WNK1: variants seen among roughly 807,000 people sequenced by gnomAD.
WNK1 encodes the protein WNK lysine deficient protein kinase 1.
A neutral mutation model predicts 222.8 loss-of-function variants in WNK1; 38 were observed. The observed-to-expected ratio is 0.17, with a 90% CI of 0.13 to 0.22. WNK1 has a LOEUF of 0.22. WNK1 is among the 10% of genes least tolerant of loss of function. WNK1 has a pLI of 1.00. For missense variants in WNK1, 2,348 were observed against 2,918.4 expected, an observed-to-expected ratio of 0.80 and a Z score of 4.50; for synonymous variants, 1,090 against 1,092.9, an observed-to-expected ratio of 1.00 and a Z score of 0.05.
intron 1 of WNK1, among the ~76,000 whole-genome samples, chr12:784,541 T>C (rs957737948): frequency 4.6e-5 from 7 of 152,220 alleles, no homozygotes; most frequent in Non-Finnish European, 1.0e-4. Flanking sequence ...TGAAGTATAG[T>C]TGACATAATA....
rs1243804469 is a variant in WNK1, at chr12:758,062, A to AG, written c.759+3739dup. 6.0e-4 allele frequency among the ~76,000 whole-genome samples: 87 copies of AG among 145,480 alleles called. 3 individuals carry two copies. The highest frequency in any genetic ancestry group is 2.1e-3 in the African/African-American group (86 of 40,978). ...AAAAAAAAAAAAAAAAAAGAAAGAA[A>AG]GAAAAAGAAAACATTGATGCACAGA... On this transcript the variant is annotated intron_variant, in intron 1 of 27. Coordinates refer to ENST00000315939, the MANE Select transcript of WNK1 (RefSeq NM_018979.4).
rs948332808 is a variant in WNK1 at position 884,381 on chromosome 12, T to A, written c.3844+138T>A. 2 of 1,352,234 alleles carry A rather than the reference T, an allele frequency of 1.5e-6. No homozygotes were observed. The highest frequency in any genetic ancestry group is 2.5e-5 in the South Asian group (2 of 80,224). The allele number at this position is 1,352,234 out of a possible 1,614,324, so 83.8% of individuals were successfully genotyped here. On this transcript the variant is annotated intron_variant, in intron 18 of 27. Coordinates refer to ENST00000315939, the MANE Select transcript of WNK1 (RefSeq NM_018979.4). The surrounding 1 kb of genome is among the most constrained non-coding windows in gnomAD (Gnocchi z 5.6). ...GAAAACTGAAGTTATAACCAACAGATAAACATATGGGAGAGGGAAATAGAT... is the reference window on the plus strand; with the variant it reads ...GAAAACTGAAGTTATAACCAACAGAAAAACATATGGGAGAGGGAAATAGAT...
chr12:841,387 T>G (rs1949613756), intron 4 of WNK1, among the ~76,000 whole-genome samples: 1 of 152,246 alleles, frequency 6.6e-6, no homozygotes, highest in Admixed American at 6.5e-5. Flanking sequence ...GTCTGGCTTC[T>G]TTCACTTAGC....
chr12:787,467 T>A (rs948006981), intron 1 of WNK1, among the ~76,000 whole-genome samples: 1 of 152,192 alleles, frequency 6.6e-6, no homozygotes, highest in Admixed American at 6.6e-5. Context: ...TTAATATATG[T>A]AAAGCACCAG....
At chr12:797,690 A>T (rs1945446318) in intron 1 of WNK1, among the ~76,000 whole-genome samples, 1 of 152,088 alleles carries the variant, frequency 6.6e-6, no homozygotes, top group South Asian at 2.1e-4. Flanking sequence ...TCACACCTGT[A>T]ATCCCAGCAC....
At chr12:824,483 A>G (rs903886384) in intron 2 of WNK1, among the ~76,000 whole-genome samples, 1 of 152,180 alleles carries the variant, frequency 6.6e-6, no homozygotes, top group Non-Finnish European at 1.5e-5. Flanking sequence ...ATAGGTTCTT[A>G]AAATGAAATG....
intron 26 of WNK1, chr12:904,391 C>G: frequency 8.0e-7 from 1 of 1,255,082 alleles, no homozygotes; most frequent in Non-Finnish European, 1.0e-6. Context: ...TTTGGAGATT[C>G]TAAATATTTT....
In WNK1 at chr12:754,013, G is replaced by T; in HGVS notation, c.448G>T (p.Gly150Cys). The change falls in exon 1 of 28, where the codon GGC becomes TGC. Residue 150 changes from glycine (G) to cysteine (C), a missense_variant. Around this residue, in one of 13 missense-constraint regions of WNK1, gnomAD observed 185 missense variants for 159.2 expected, o/e 1.16. Transcript: ENST00000315939. Reference protein sequence around the residue: ...AAAPGEQAVAGPAPSTVPSST... With the variant: ...AAAPGEQAVACPAPSTVPSST... ...CGCCCCTGGGGAACAGGCCGTCGCG[G>T]GCCCTGCCCCCTCGACTGTCCCCAG... is the stretch of plus-strand genomic sequence containing the variant. The T allele has an allele frequency of 6.3e-7, 1 of 1,587,340 alleles. No individual in the cohort carries two copies. The highest frequency in any genetic ancestry group is 2.3e-5 in the East Asian group (1 of 43,498).
intron 6 of WNK1, among the ~76,000 whole-genome samples, chr12:860,742 T>C (rs1183406921): frequency 6.6e-6 from 1 of 152,176 alleles, no homozygotes; most frequent in African/African-American, 2.4e-5. Flanking sequence ...GCCCTATTGT[T>C]TCGTTGTTTG....
intron 4 of WNK1, among the ~76,000 whole-genome samples, chr12:851,161 C>T (rs1053276895): frequency 3.9e-5 from 6 of 152,118 alleles, no homozygotes; most frequent in South Asian, 2.1e-4. Flanking sequence ...GAACCCAGCC[C>T]CAGTATTGTG....
At chr12:891,557 A>G (rs964434743) in intron 22 of WNK1, among the ~76,000 whole-genome samples, 1 of 151,604 alleles carries the variant, frequency 6.6e-6, no homozygotes, top group African/African-American at 2.4e-5. Flanking sequence ...ATGAAATATT[A>G]TATCATAAAA....
chr12:817,077 C>G lies in WNK1; in HGVS notation c.932+3263C>G, dbSNP rs144124549. On this transcript the variant is annotated intron_variant, in intron 2 of 27. Transcript: ENST00000315939. ...AATGGTCTAACGGTTAAACAGCAGA[C>G]TGAATTGAATTGACAGGAATATTAA... Among the ~76,000 whole-genome samples, 610 of 152,218 alleles carry G rather than the reference C, an allele frequency of 4.0e-3. 8 individuals are homozygous for G. Among genetic ancestry groups the G allele is most frequent in the African/African-American group, 0.014 (582 of 41,520 alleles).
At chr12:891,019 A>G (rs7309927) in intron 22 of WNK1, among the ~76,000 whole-genome samples, 22,793 of 152,272 alleles carry the variant, frequency 0.15, 1,720 homozygotes, top group Admixed American at 0.2. Flanking sequence ...TGAAAGGGGA[A>G]TGTAGATTAT....
At position 911,165 on chromosome 12, in the gene WNK1, G is replaced by C; in HGVS notation, c.*2373G>C. 1 of 397,116 alleles carries C rather than the reference G, an allele frequency of 2.5e-6. No homozygotes were observed. The allele number at this position is 397,116 out of a possible 1,614,324, so 24.6% of individuals were successfully genotyped here. A position where few individuals can be genotyped will look rare whatever the true frequency, so the allele number is the denominator to read the frequency against. On this transcript the variant is annotated 3_prime_UTR_variant, in exon 28 of 28. Transcript: ENST00000315939. The stretch of plus-strand genomic sequence containing the variant: ...CCTAGAGGAATGAACTAGTGCTACT[G>C]AACTGTTTAAATTATTTTTGTGTTA...
At chr12:891,171 T>G (rs1954190327) in intron 22 of WNK1, among the ~76,000 whole-genome samples, 1 of 152,130 alleles carries the variant, frequency 6.6e-6, no homozygotes, top group Non-Finnish European at 1.5e-5. Flanking sequence ...TGGAGTTTGC[T>G]CTTGTTGCCC....
At chr12:867,759 T>G in intron 8 of WNK1, 2 of 1,185,904 alleles carry the variant, frequency 1.7e-6, no homozygotes, top group South Asian at 2.7e-5. Flanking sequence ...AATTATAAAT[T>G]TAGTGTAACC....
At chr12:822,996 T>C (rs957337011) in intron 2 of WNK1, among the ~76,000 whole-genome samples, 8 of 152,200 alleles carry the variant, frequency 5.3e-5, no homozygotes, top group Non-Finnish European at 1.2e-4. Context: ...TCTTAATTTC[T>C]CTTTCATTTC....
At chr12:768,920 C>T (rs1168014071) in intron 1 of WNK1, among the ~76,000 whole-genome samples, 1 of 151,588 alleles carries the variant, frequency 6.6e-6, no homozygotes, top group African/African-American at 2.4e-5. Flanking sequence ...AGCGATTCTT[C>T]TGCCTCAGCC....
At chr12:799,792 C>A (rs914531526) in intron 1 of WNK1, among the ~76,000 whole-genome samples, 1 of 152,114 alleles carries the variant, frequency 6.6e-6, no homozygotes, top group Non-Finnish European at 1.5e-5. Flanking sequence ...TCAAATGATT[C>A]TCCTGCTTTA....
Sources: gnomAD v4.1 joint callset for allele counts (sites outside exome capture counted in the v4.1 genomes callset) on GRCh38, gnomAD v4.1.1 for gene constraint, gnomAD v4.1.1 regional missense constraint, Gnocchi (gnomAD v3.1) non-coding constraint, MANE v1.5 for transcripts, NCBI Gene and HGNC (gene_info 2026-07-23, HGNC 2026-07-21) for gene names.